Variants in SLC10A7 observed in about 807,000 individuals in gnomAD.
SLC10A7 encodes the protein solute carrier family 10 member 7.
In SLC10A7, 29 loss-of-function variants were observed where a neutral mutation model predicts 43.2. That is an observed-to-expected ratio of 0.67 (90% CI 0.50 to 0.92). The LOEUF (loss-of-function observed/expected upper bound fraction) is 0.92, where lower values mean the gene tolerates loss of function less well. Ranked by LOEUF, SLC10A7 falls within the 40% of genes least tolerant of loss-of-function variation. SLC10A7 has a pLI of 0.00. For synonymous variants in SLC10A7, 152 were observed against 144.8 expected (o/e 1.05, Z -0.35); for missense variants, 295 against 403.2 (o/e 0.73, Z 2.30).
chr4:146,351,035 T>C (rs1735053688), intron 5 of SLC10A7, among the ~76,000 whole-genome samples: 1 of 151,270 alleles, frequency 6.6e-6, no homozygotes, highest in South Asian at 2.1e-4. Context: ...GGATGGAGAA[T>C]GATTTTGACG....
chr4:146,496,453 C>T (rs1735909089), intron 4 of SLC10A7, among the ~76,000 whole-genome samples: 1 of 152,098 alleles, frequency 6.6e-6, no homozygotes, highest in Non-Finnish European at 1.5e-5. Context: ...AACTAGAATT[C>T]CCCTCCCCCT....
At chr4:146,362,996 G>A (rs999310860) in intron 5 of SLC10A7, among the ~76,000 whole-genome samples, 1 of 151,948 alleles carries the variant, frequency 6.6e-6, no homozygotes, top group South Asian at 2.1e-4. Context: ...AAAAAAAGCA[G>A]TAGTAAGTGC....
At chr4:146,272,337 T>C (rs942993393) in intron 10 of SLC10A7, among the ~76,000 whole-genome samples, 6 of 152,106 alleles carry the variant, frequency 3.9e-5, no homozygotes, top group Non-Finnish European at 8.8e-5. Context: ...TTGAGTTGTG[T>C]CCAATTTTAT....
chr4:146,519,412 A>G (rs1738411326), intron 1 of SLC10A7, among the ~76,000 whole-genome samples: 1 of 150,516 alleles, frequency 6.6e-6, no homozygotes, highest in Admixed American at 6.7e-5. Flanking sequence ...TAAAAGAAAC[A>G]AAGATTTCCT....
rs148693742 is a variant in SLC10A7 at position 146,489,619 on chromosome 4, G to A, written c.396+14230C>T. 4.9e-4 allele frequency among the ~76,000 whole-genome samples: 74 copies of A among 152,258 alleles called. 2 individuals carry two copies. In the East Asian group the frequency reaches 0.012, roughly 25 times the overall value. ...CTCACTAAATCCACGTAGGGCAAAG[G>A]AACTGCCCACGGGTTAAAAGTGCCT... On this transcript the variant is annotated intron_variant, in intron 4 of 11. Coordinates refer to ENST00000335472, the MANE Select transcript of SLC10A7 (RefSeq NM_001029998.6).
At position 146,510,062 on chromosome 4, in the gene SLC10A7, A is replaced by C. The variant is rs370896386; in HGVS notation, c.184-13T>G. On this transcript the variant is annotated splice_polypyrimidine_tract_variant and intron_variant, in intron 2 of 11. Coordinates refer to ENST00000335472, the MANE Select transcript of SLC10A7 (RefSeq NM_001029998.6). ...CACTGGTCAGCTCCTGGAAAAATTAAGGAAACAAAATAAACAAAGGTAAGA... is the reference window on the plus strand; with the variant it reads ...CACTGGTCAGCTCCTGGAAAAATTACGGAAACAAAATAAACAAAGGTAAGA... 5.7e-6 allele frequency: 9 copies of C among 1,590,010 alleles called. No individual in the cohort carries two copies. The African/African-American group carries it at 1.2e-4, about 22-fold the overall frequency.
At chr4:146,397,903 A>G (rs1738949657) in intron 5 of SLC10A7, among the ~76,000 whole-genome samples, 1 of 152,240 alleles carries the variant, frequency 6.6e-6, no homozygotes, top group Non-Finnish European at 1.5e-5. Context: ...GGATAAAGCA[A>G]TAACAAACGA....
At position 146,255,688 on chromosome 4, in the gene SLC10A7, T is replaced by G. The variant is rs1304011634; in HGVS notation, c.*803A>C. On this transcript the variant is annotated 3_prime_UTR_variant, in exon 12 of 12. Coordinates refer to ENST00000335472, the MANE Select transcript of SLC10A7 (RefSeq NM_001029998.6). ...TGCTTTCAAACTGATTGTAACATTT[T>G]TGTGCCTCATATTTGGCTGTTATGA... The G allele has an allele frequency of 6.6e-6, 1 of 152,250 alleles. No individual in the cohort carries two copies. The highest frequency in any genetic ancestry group is 1.5e-5 in the Non-Finnish European group (1 of 68,044). The allele number at this position is 152,250 out of a possible 1,614,324, so 9.4% of individuals were successfully genotyped here.
rs1393052068 is a variant in SLC10A7, at chr4:146,294,091, A to T, written c.560T>A (p.Val187Asp). 2.5e-6 allele frequency: 4 copies of T among 1,597,074 alleles called. No homozygotes were observed. In the African/African-American group the frequency reaches 5.4e-5, roughly 21 times the overall value. Residue 187 changes from valine (V) to aspartate (D), a missense_variant, in exon 8 of 12, where the codon GTC becomes GAC. By Grantham distance (152) the Val-to-Asp change is radical. Around this residue, in one of 2 missense-constraint regions of SLC10A7, gnomAD observed 242 missense variants for 362.5 expected, o/e 0.67. Transcript: ENST00000335472. ...VVVPLIIGQI[V>D]RRYIKDWLER... Reference sequence around the variant, plus strand: ...AAGCCAATCCTTGATGTATCTTCGGACAATCTGAAATACAGAGATCAACAG... The same window carrying T: ...AAGCCAATCCTTGATGTATCTTCGGTCAATCTGAAATACAGAGATCAACAG...
intron 5 of SLC10A7, among the ~76,000 whole-genome samples, chr4:146,406,595 G>C (rs1727716298): frequency 6.6e-6 from 1 of 152,166 alleles, no homozygotes; most frequent in African/African-American, 2.4e-5. Flanking sequence ...GGAGACCTAA[G>C]GATTTGCCAG....
At chr4:146,350,598 G>T (rs1436930877) in intron 5 of SLC10A7, among the ~76,000 whole-genome samples, 1 of 138,350 alleles carries the variant, frequency 7.2e-6, no homozygotes, top group African/African-American at 2.9e-5. Flanking sequence ...CAAACAAAAA[G>T]ACAGCAGTAA....
At chr4:146,281,070 A>G (rs1729518900) in intron 10 of SLC10A7, among the ~76,000 whole-genome samples, 1 of 152,162 alleles carries the variant, frequency 6.6e-6, no homozygotes, top group South Asian at 2.1e-4. Context: ...GCAAACAGAA[A>G]TCCAATTTAA....
chr4:146,445,912 T>TGC (rs1731023524), intron 4 of SLC10A7, among the ~76,000 whole-genome samples: 1 of 151,764 alleles, frequency 6.6e-6, no homozygotes, highest in African/African-American at 2.4e-5. Context: ...TGTGTGTGTG[T>TGC]GTGCACGTGC....
intron 6 of SLC10A7, among the ~76,000 whole-genome samples, chr4:146,313,587 T>C (rs1732125499): frequency 6.6e-6 from 1 of 152,178 alleles, no homozygotes; most frequent in African/African-American, 2.4e-5. Flanking sequence ...GTCCATTAAT[T>C]ATGCAACCAT....
At chr4:146,306,300 T>A (rs2149682338) in intron 6 of SLC10A7, among the ~76,000 whole-genome samples, 1 of 152,304 alleles carries the variant, frequency 6.6e-6, no homozygotes, top group South Asian at 2.1e-4. Context: ...CAGTCTATAA[T>A]CATATGGCAT....
rs753861902 is a variant in SLC10A7, at chr4:146,258,862, C to T, written c.848-25G>A. On this transcript the variant is annotated intron_variant, in intron 10 of 11. Transcript: ENST00000335472. ...CCTGTTGAACAAAGAAGACAGAAAA[C>T]CTAAACCAAATTCAGTCTGTCATCA... 34 of 1,596,348 alleles carry T rather than the reference C, an allele frequency of 2.1e-5. No homozygotes were observed. The African/African-American group carries it at 3.1e-4, about 15-fold the overall frequency.
intron 4 of SLC10A7, among the ~76,000 whole-genome samples, chr4:146,467,075 T>C (rs1733095155): frequency 6.6e-6 from 1 of 152,184 alleles, no homozygotes; most frequent in South Asian, 2.1e-4. Context: ...GCTAAGAGCT[T>C]GCTAAAAGCC....
In SLC10A7 at chr4:146,256,293, G is replaced by T; in HGVS notation, c.*198C>A. ...AACCCCCAAATATTGTACCACCCCT[G>T]GCAGTAATCAACAAAGCATATTTTG... On this transcript the variant is annotated 3_prime_UTR_variant, in exon 12 of 12. Coordinates refer to ENST00000335472, the MANE Select transcript of SLC10A7 (RefSeq NM_001029998.6). 1 of 594,682 alleles carries T rather than the reference G, an allele frequency of 1.7e-6. No homozygotes were observed. 36.8% of individuals were successfully genotyped at this position (594,682 alleles called of 1,614,324 possible).
chr4:146,358,426 CAT>C (rs1306269040), intron 5 of SLC10A7, among the ~76,000 whole-genome samples: 8 of 152,100 alleles, frequency 5.3e-5, no homozygotes, highest in African/African-American at 1.9e-4. Context: ...TAAAATTTTA[CAT>C]ATATGTCTTA....
Sources: gnomAD v4.1 joint callset for allele counts (sites outside exome capture counted in the v4.1 genomes callset) on GRCh38, gnomAD v4.1.1 for gene constraint, gnomAD v4.1.1 regional missense constraint, MANE v1.5 for transcripts, NCBI Gene and HGNC (gene_info 2026-07-23, HGNC 2026-07-21) for gene names.